The following LDLRAD3 variants were observed in gnomAD, a reference collection of about 807,000 sequenced individuals.
LDLRAD3 encodes the protein low density lipoprotein receptor class A domain containing 3, also known as low-density lipoprotein receptor class A domain-containing protein 3.
Under a neutral mutation model 29.4 loss-of-function variants are expected in LDLRAD3, and 20 were observed. That is an observed-to-expected ratio of 0.68 (90% CI 0.48 to 0.99). The LOEUF is 0.99. Among genes scored for constraint, LDLRAD3 ranks in the 50% least tolerant of loss-of-function variants. The pLI, the probability that LDLRAD3 is intolerant of heterozygous loss-of-function variation, is 0.00. For synonymous variants in LDLRAD3, 157 were observed against 192.7 expected (o/e 0.81, Z 1.53); for missense variants, 420 against 454.3 (o/e 0.92, Z 0.69).
At chr11:35,958,563 C>T (rs1851235690) in intron 1 of LDLRAD3, among the ~76,000 whole-genome samples, 1 of 152,054 alleles carries the variant, frequency 6.6e-6, no homozygotes, top group Non-Finnish European at 1.5e-5. Context: ...TTCTTGAGGG[C>T]CCTCCTTTTC....
intron 4 of LDLRAD3, among the ~76,000 whole-genome samples, chr11:36,110,367 TC>T (rs1251497426): frequency 6.6e-6 from 1 of 152,116 alleles, no homozygotes; most frequent in East Asian, 1.9e-4. Context: ...TAGCTCTCTC[TC>T]CCCGGTGAAT....
chr11:36,052,739 G>A (rs1198297720), intron 2 of LDLRAD3, among the ~76,000 whole-genome samples: 1 of 152,134 alleles, frequency 6.6e-6, no homozygotes, highest in African/African-American at 2.4e-5. Flanking sequence ...TGTTTAACAG[G>A]TATTAACAAT....
intron 2 of LDLRAD3, among the ~76,000 whole-genome samples, chr11:36,057,358 C>T (rs1435757239): frequency 1.3e-5 from 2 of 152,156 alleles, no homozygotes; most frequent in Admixed American, 6.5e-5. Flanking sequence ...TTGTGAATTC[C>T]TCGCAGTAAT....
At chr11:36,024,713 A>G (rs1852141164) in intron 1 of LDLRAD3, among the ~76,000 whole-genome samples, 1 of 152,168 alleles carries the variant, frequency 6.6e-6, no homozygotes. Context: ...GCCCTTCCTT[A>G]GTTGCAAAAG....
chr11:36,005,656 C>T (rs777751765), intron 1 of LDLRAD3, among the ~76,000 whole-genome samples: 2 of 152,206 alleles, frequency 1.3e-5, no homozygotes, highest in African/African-American at 4.8e-5. Context: ...CAGTGCCCCA[C>T]TCCTGGTACC....
chr11:35,982,848 CTTTTTTTTTT>C (rs61605411), intron 1 of LDLRAD3, among the ~76,000 whole-genome samples: 1 of 88,728 alleles, frequency 1.1e-5, no homozygotes, highest in Non-Finnish European at 2.0e-5. Context: ...CTGTTTGCTG[CTTTTTTTTTT>C]TTTTTTTTTT....
At chr11:36,032,899 A>C (rs1215150502) in intron 1 of LDLRAD3, among the ~76,000 whole-genome samples, 2 of 150,532 alleles carry the variant, frequency 1.3e-5, no homozygotes, top group African/African-American at 4.9e-5. Context: ...TTTTAGACAG[A>C]GTTTTGCTCT....
At chr11:36,212,610 A>G (rs932037226) in intron 4 of LDLRAD3, among the ~76,000 whole-genome samples, 2 of 151,508 alleles carry the variant, frequency 1.3e-5, no homozygotes, top group African/African-American at 4.8e-5. Flanking sequence ...TTACCCTCCA[A>G]CCAGTTCTGC....
chr11:36,081,593 G>A, intron 2 of LDLRAD3, 60 bp from the exon 3 acceptor site: 1 of 1,605,738 alleles, frequency 6.2e-7, no homozygotes, highest in Non-Finnish European at 8.5e-7. Flanking sequence ...TTAGTGGGAT[G>A]AGTATGCAGT....
chr11:36,062,143 T>G (rs1453038666), intron 2 of LDLRAD3, among the ~76,000 whole-genome samples: 1 of 152,190 alleles, frequency 6.6e-6, no homozygotes, highest in Non-Finnish European at 1.5e-5. Flanking sequence ...AGGTCACGGT[T>G]CTGGTAAGGT....
intron 4 of LDLRAD3, among the ~76,000 whole-genome samples, chr11:36,217,353 A>G: frequency 6.6e-6 from 1 of 152,146 alleles, no homozygotes; most frequent in East Asian, 1.9e-4. Context: ...GTCTTTGCCC[A>G]CCGAGAACTT....
intron 1 of LDLRAD3, among the ~76,000 whole-genome samples, chr11:35,948,781 G>T (rs1410320305): frequency 6.6e-6 from 1 of 152,174 alleles, no homozygotes; most frequent in Admixed American, 6.5e-5. Flanking sequence ...CTCAGCTTTG[G>T]TACCAACGAC....
intron 4 of LDLRAD3, among the ~76,000 whole-genome samples, chr11:36,138,547 C>T (rs941752802): frequency 6.6e-5 from 10 of 152,178 alleles, no homozygotes; most frequent in African/African-American, 2.4e-4. Context: ...TAGCAACACC[C>T]ATTATCTCAT....
chr11:36,067,683 T>C (rs1204729087), intron 2 of LDLRAD3, among the ~76,000 whole-genome samples: 1 of 152,196 alleles, frequency 6.6e-6, no homozygotes, highest in Admixed American at 6.5e-5. Context: ...TAATTAACTT[T>C]TTTTTGAGAC....
At chr11:36,022,031 C>G (rs895943614) in intron 1 of LDLRAD3, among the ~76,000 whole-genome samples, 3 of 152,146 alleles carry the variant, frequency 2.0e-5, no homozygotes, top group Non-Finnish European at 4.4e-5. Context: ...TTGAGCTGCC[C>G]CTGTTAGCAG....
At chr11:36,158,457 C>G (rs10836512) in intron 4 of LDLRAD3, among the ~76,000 whole-genome samples, 31,136 of 150,364 alleles carry the variant, frequency 0.21, 4,099 homozygotes, top group African/African-American at 0.35. Context: ...CCCATCCCCA[C>G]CCCCTGTTTA....
chr11:35,960,627 C>T (rs922192147), intron 1 of LDLRAD3, among the ~76,000 whole-genome samples: 4 of 152,142 alleles, frequency 2.6e-5, no homozygotes, highest in African/African-American at 7.2e-5. Context: ...GACAGAGTCT[C>T]GCTCTGTCGC....
At chr11:35,981,141 C>T (rs1054703678) in intron 1 of LDLRAD3, among the ~76,000 whole-genome samples, 1 of 135,948 alleles carries the variant, frequency 7.4e-6, no homozygotes, top group African/African-American at 2.7e-5. Context: ...CCTTTCACTT[C>T]TATTTCCTAA....
At chr11:36,141,143 C>G (rs916782549) in intron 4 of LDLRAD3, among the ~76,000 whole-genome samples, 2 of 151,844 alleles carry the variant, frequency 1.3e-5, no homozygotes, top group African/African-American at 4.8e-5. Flanking sequence ...CATGGGGATT[C>G]GATGGCAGTA....
Sources: gnomAD v4.1 joint callset for allele counts (sites outside exome capture counted in the v4.1 genomes callset) on GRCh38, gnomAD v4.1.1 for gene constraint, MANE v1.5 for transcripts, NCBI Gene and HGNC (gene_info 2026-07-23, HGNC 2026-07-21) for gene names.